The following CDADC1 variants were observed in gnomAD, a reference collection of about 807,000 sequenced individuals.
CDADC1 encodes the protein dCTP deaminase.
CDADC1 carries 39 observed loss-of-function variants against 54.9 expected under a neutral mutation model. The observed-to-expected ratio is 0.71, with a 90% CI of 0.55 to 0.93. The LOEUF (loss-of-function observed/expected upper bound fraction) is 0.93. Ranked by LOEUF, CDADC1 falls within the 40% of genes least tolerant of loss-of-function variation. CDADC1 has a pLI of 0.00. For missense variants in CDADC1, 518 were observed against 618.8 expected, an observed-to-expected ratio of 0.84 and a Z score of 1.73; for synonymous variants, 186 against 204.0, an observed-to-expected ratio of 0.91 and a Z score of 0.75.
rs1266974183 is a variant in CDADC1 at position 49,292,860 on chromosome 13, C to A, written c.*1103C>A. 6.3e-6 allele frequency: 7 copies of A among 1,105,100 alleles called. No individual in the cohort carries two copies. The East Asian group carries it at 4.2e-4, about 67-fold the overall frequency. The allele number at this position is 1,105,100 out of a possible 1,614,324, so 68.5% of individuals were successfully genotyped here. A position where few individuals can be genotyped will look rare whatever the true frequency, so the allele number is the denominator to read the frequency against. On this transcript the variant is annotated 3_prime_UTR_variant, in exon 10 of 10. Coordinates refer to ENST00000251108, the MANE Select transcript of CDADC1 (RefSeq NM_030911.4). ...GTCAGGTTTGCCTCTGCTTTTGTTC[C>A]CTGCCTTTCCGCCACATCACACGGC...
rs539899872 is a variant in CDADC1, at chr13:49,270,086, A to C, written c.1000+2027A>C. Among the ~76,000 whole-genome samples, 23 of 152,290 alleles carry C rather than the reference A, an allele frequency of 1.5e-4. No homozygotes were observed. In the South Asian group the frequency reaches 4.8e-3, roughly 32 times the overall value. ...TCTTCCAGGGAAGAAACCATGTCTT[A>C]ATCATTTTTTCCTTAGCACTAAACA... On this transcript the variant is annotated intron_variant, in intron 5 of 9. Transcript: ENST00000251108.
chr13:49,287,754 T>C (rs1361524579), intron 9 of CDADC1, among the ~76,000 whole-genome samples: 4 of 152,150 alleles, frequency 2.6e-5, no homozygotes, highest in Non-Finnish European at 4.4e-5. Flanking sequence ...GGTGAATTGC[T>C]TGAGCCCAGG....
chr13:49,264,044 C>T (rs1356691495), intron 4 of CDADC1, among the ~76,000 whole-genome samples: 2 of 152,172 alleles, frequency 1.3e-5, no homozygotes, highest in Admixed American at 6.5e-5. Flanking sequence ...TTAACATTAG[C>T]ATTAAGATTT....
At position 49,281,002 on chromosome 13, in the gene CDADC1, T is replaced by C. The variant is rs1176275381; in HGVS notation, c.1410+304T>C. Among the ~76,000 whole-genome samples the C allele has an allele frequency of 3.3e-5, 5 of 151,694 alleles. No homozygotes were observed. The East Asian group carries it at 9.7e-4, about 29-fold the overall frequency. ...GCGCCGGCCACCACGCCTGGCTAAT[T>C]TTTGTATTTTTAGTAGAGACGGGGT... On this transcript the variant is annotated intron_variant, in intron 8 of 9. Transcript: ENST00000251108.
rs1953762353 is a variant in CDADC1, at chr13:49,293,303, T to A, written c.*1546T>A. ...CAAAATCCTGGCATATTGCCAGGTCTGTGGATTTGCCTGTTGGGTGTTGGG... is the reference window on the plus strand; with the variant it reads ...CAAAATCCTGGCATATTGCCAGGTCAGTGGATTTGCCTGTTGGGTGTTGGG... On this transcript the variant is annotated 3_prime_UTR_variant, in exon 10 of 10. Coordinates refer to ENST00000251108, the MANE Select transcript of CDADC1 (RefSeq NM_030911.4). 1 of 152,270 alleles carries A rather than the reference T, an allele frequency of 6.6e-6. No individual in the cohort carries two copies. The highest frequency in any genetic ancestry group is 1.5e-5 in the Non-Finnish European group (1 of 68,058). 9.4% of individuals were successfully genotyped at this position (152,270 alleles called of 1,614,324 possible).
chr13:49,248,131 G>T lies in CDADC1; in HGVS notation c.82+12G>T. ...TGGCAGCATGACCGGTGAGTGTCCG[G>T]GACCCTGCTCCCGCCACCCTACCTT... On this transcript the variant is annotated intron_variant, in intron 1 of 9. Transcript: ENST00000251108. 6.5e-7 allele frequency: 1 copy of T among 1,548,282 alleles called. No individual in the cohort carries two copies.
At chr13:49,253,467 GT>G (rs1952478969) in intron 2 of CDADC1, among the ~76,000 whole-genome samples, 1 of 152,102 alleles carries the variant, frequency 6.6e-6, no homozygotes, top group Non-Finnish European at 1.5e-5. Context: ...GTAGCCAGTG[GT>G]TTTACAGCCA....
intron 5 of CDADC1, among the ~76,000 whole-genome samples, chr13:49,268,867 A>AT (rs1469784425): frequency 1.2e-4 from 19 of 152,298 alleles, no homozygotes; most frequent in African/African-American, 4.6e-4. Context: ...GTTGAGAAAC[A>AT]TTTTTACTGT....
intron 3 of CDADC1, among the ~76,000 whole-genome samples, chr13:49,257,687 G>A (rs994988031): frequency 1.3e-5 from 2 of 152,176 alleles, no homozygotes; most frequent in Non-Finnish European, 2.9e-5. Context: ...GCATGAACCC[G>A]GGAGGCGGAG....
At chr13:49,255,556 G>C (rs1952523961) in intron 2 of CDADC1, among the ~76,000 whole-genome samples, 2 of 152,056 alleles carry the variant, frequency 1.3e-5, no homozygotes, top group Non-Finnish European at 2.9e-5. Context: ...ACTCAAAACT[G>C]CCACAATTCT....
At chr13:49,255,813 T>G (rs775100491) in intron 2 of CDADC1, 26 bp from the exon 3 acceptor site, 1 of 1,606,252 alleles carries the variant, frequency 6.2e-7, no homozygotes, top group African/African-American at 1.3e-5. Context: ...CTAATCTTTT[T>G]TTTTCCTTAA....
At chr13:49,274,423 G>T in intron 6 of CDADC1, 83 bp downstream of exon 6, 1 of 1,054,150 alleles carries the variant, frequency 9.5e-7, no homozygotes, top group South Asian at 1.4e-5. Context: ...ACAGGTTACT[G>T]ACTGCCAAGG....
intron 8 of CDADC1, among the ~76,000 whole-genome samples, chr13:49,284,367 A>T (rs1953445519): frequency 6.6e-6 from 1 of 152,248 alleles, no homozygotes; most frequent in African/African-American, 2.4e-5. Context: ...AAAGTTCTTT[A>T]AAAAATATTT....
At chr13:49,265,996 G>A in intron 4 of CDADC1, 2 of 1,285,808 alleles carry the variant, frequency 1.6e-6, no homozygotes, top group Non-Finnish European at 2.1e-6. Flanking sequence ...GAAACACTCT[G>A]ATATGAGGTT....
intron 4 of CDADC1, chr13:49,266,140 C>G (rs1374298106): frequency 9.3e-6 from 2 of 216,116 alleles, no homozygotes; most frequent in Non-Finnish European, 1.9e-5. Context: ...ACTCTGTGGG[C>G]TCTCTTTCTA....
Position 49,292,872 on chromosome 13 carries a change from C to T in CDADC1, c.*1115C>T. The T allele has an allele frequency of 1.0e-6, 1 of 954,916 alleles. No homozygotes were observed. Among genetic ancestry groups the T allele is most frequent in the South Asian group, 1.5e-5 (1 of 65,994 alleles). The allele number at this position is 954,916 out of a possible 1,614,324, so 59.2% of individuals were successfully genotyped here. ...TCTGCTTTTGTTCCCTGCCTTTCCG[C>T]CACATCACACGGCCTCACTGGGCTT... On this transcript the variant is annotated 3_prime_UTR_variant, in exon 10 of 10. Coordinates refer to ENST00000251108, the MANE Select transcript of CDADC1 (RefSeq NM_030911.4).
Position 49,262,439 on chromosome 13 carries a change from C to A in CDADC1, c.430+2916C>A, listed in dbSNP as rs7328502. On this transcript the variant is annotated intron_variant, in intron 4 of 9. Transcript: ENST00000251108. ...CTCCAGCCTGGGCCACAGAGTGAGACCCTGTCCCAAAAAGCAAAAACAAAA... is the reference window on the plus strand; with the variant it reads ...CTCCAGCCTGGGCCACAGAGTGAGAACCTGTCCCAAAAAGCAAAAACAAAA... Among the ~76,000 whole-genome samples, 1,251 of 152,200 alleles carry A rather than the reference C, an allele frequency of 8.2e-3. 20 individuals carry two copies. The highest frequency in any genetic ancestry group is 0.028 in the African/African-American group (1,180 of 41,528).
intron 7 of CDADC1, among the ~76,000 whole-genome samples, chr13:49,278,935 G>C (rs1953231172): frequency 6.6e-6 from 1 of 152,162 alleles, no homozygotes; most frequent in South Asian, 2.1e-4. Flanking sequence ...GTTCCCATAA[G>C]ATTATAACAG....
chr13:49,267,351 C>CTATATA, intron 4 of CDADC1, 139 bp from the exon 5 acceptor site: 1 of 736,766 alleles, frequency 1.4e-6, no homozygotes, highest in Non-Finnish European at 2.2e-6. Context: ...AACCCTCAGG[C>CTATATA]TATATAATAG....
Sources: gnomAD v4.1 joint callset for allele counts (sites outside exome capture counted in the v4.1 genomes callset) on GRCh38, gnomAD v4.1.1 for gene constraint, MANE v1.5 for transcripts, NCBI Gene and HGNC (gene_info 2026-07-23, HGNC 2026-07-21) for gene names.